Variants in RGS7 observed in about 807,000 individuals in gnomAD.
The protein encoded by RGS7 is regulator of G protein signaling 7.
RGS7 carries 27 observed loss-of-function variants against 81.1 expected under a neutral mutation model. That is an observed-to-expected ratio of 0.33 (90% confidence interval 0.25 to 0.46). RGS7 has a LOEUF of 0.46. RGS7 is among the 20% of genes least tolerant of loss of function. The probability of loss-of-function intolerance (pLI) is 1.00; values close to 1 mark genes in which losing one functional copy is unlikely to be tolerated. For synonymous variants in RGS7, 208 were observed against 207.7 expected (o/e 1.00, Z -0.01); for missense variants, 396 against 607.4 (o/e 0.65, Z 3.66).
At chr1:241,080,619 A>G (rs905755529) in intron 3 of RGS7, among the ~76,000 whole-genome samples, 8 of 152,310 alleles carry the variant, frequency 5.3e-5, no homozygotes, top group Admixed American at 5.2e-4. Context: ...TACACCAGTT[A>G]GAAATACTGA....
intron 2 of RGS7, among the ~76,000 whole-genome samples, chr1:241,220,291 C>A (rs886838027): frequency 6.6e-6 from 1 of 152,146 alleles, no homozygotes; most frequent in South Asian, 2.1e-4. Flanking sequence ...ACCTAGAGAT[C>A]TAAAGAAGTA....
chr1:241,265,985 G>A (rs1424713239), intron 2 of RGS7, among the ~76,000 whole-genome samples: 1 of 151,788 alleles, frequency 6.6e-6, no homozygotes, highest in Non-Finnish European at 1.5e-5. Context: ...GTAGAGATGG[G>A]GTTTCTCCAT....
rs535420237 is a variant in RGS7, at chr1:240,889,838, G to A, written c.386-19719C>T. 1.1e-3 allele frequency among the ~76,000 whole-genome samples: 161 copies of A among 152,248 alleles called. 1 individual carries two copies. Among genetic ancestry groups the A allele is most frequent in the African/African-American group, 3.6e-3 (149 of 41,542 alleles). On this transcript the variant is annotated intron_variant, in intron 6 of 18. Transcript: ENST00000440928. ...CTGAGATGACGGTGATCTGAAAAGA[G>A]CCCTGGCCCTGTTCTTGTAGTGTCC...
At chr1:241,190,433 C>T (rs1169997861) in intron 2 of RGS7, among the ~76,000 whole-genome samples, 2 of 151,966 alleles carry the variant, frequency 1.3e-5, no homozygotes, top group Admixed American at 6.6e-5. Flanking sequence ...TTTACTATGT[C>T]GAGTTTTCCA....
intron 2 of RGS7, among the ~76,000 whole-genome samples, chr1:241,204,052 A>C (rs1558185619): frequency 1.3e-5 from 2 of 152,232 alleles, no homozygotes; most frequent in African/African-American, 4.8e-5. Flanking sequence ...AATATTACCA[A>C]AAGTAAATAC....
intron 2 of RGS7, among the ~76,000 whole-genome samples, chr1:241,222,426 T>G (rs1003917368): frequency 3.3e-5 from 5 of 152,190 alleles, no homozygotes; most frequent in Non-Finnish European, 5.9e-5. Flanking sequence ...TGTCAATAAT[T>G]TGAAGAACTA....
At chr1:241,265,030 GT>G (rs1352081205) in intron 2 of RGS7, among the ~76,000 whole-genome samples, 4 of 152,206 alleles carry the variant, frequency 2.6e-5, no homozygotes, top group Non-Finnish European at 5.9e-5. Context: ...GCGGCCTTCA[GT>G]TCCCTTCCAG....
intron 3 of RGS7, among the ~76,000 whole-genome samples, chr1:240,995,752 T>G (rs936965206): frequency 6.6e-6 from 1 of 151,602 alleles, no homozygotes. Context: ...ATTTATCAAT[T>G]TTTATAAAGA....
intron 2 of RGS7, among the ~76,000 whole-genome samples, chr1:241,171,319 G>A (rs570771843): frequency 3.9e-5 from 6 of 152,134 alleles, no homozygotes; most frequent in Non-Finnish European, 7.4e-5. Context: ...GGTCTCTAAA[G>A]TTTTTTCCTA....
chr1:241,093,146 C>T (rs1419199318), intron 3 of RGS7, among the ~76,000 whole-genome samples: 4 of 151,904 alleles, frequency 2.6e-5, no homozygotes, highest in African/African-American at 9.6e-5. Context: ...AGTACAATTT[C>T]GCAGAAATCA....
intron 3 of RGS7, among the ~76,000 whole-genome samples, chr1:241,075,972 T>G (rs2062774494): frequency 6.6e-6 from 1 of 152,206 alleles, no homozygotes; most frequent in Non-Finnish European, 1.5e-5. Flanking sequence ...GGTTGGCTCT[T>G]GGAGTGATAC....
intron 9 of RGS7, among the ~76,000 whole-genome samples, chr1:240,846,261 T>C (rs1348190325): frequency 1.3e-5 from 2 of 152,172 alleles, no homozygotes; most frequent in Non-Finnish European, 2.9e-5. Flanking sequence ...CTCAAAAGTT[T>C]TTTTCCTTAA....
chr1:240,948,353 A>G (rs1678994606), intron 4 of RGS7, among the ~76,000 whole-genome samples: 1 of 152,232 alleles, frequency 6.6e-6, no homozygotes, highest in South Asian at 2.1e-4. Flanking sequence ...GCGGAAATGG[A>G]TAAAAGGATC....
rs942239812 is a variant in RGS7, at chr1:241,310,423, GTGTA to G, written c.78+45272_78+45275del. On this transcript the variant is annotated intron_variant, in intron 2 of 18. Coordinates refer to ENST00000440928, the MANE Select transcript of RGS7 (RefSeq NM_001364886.1). ...TGTTTGTGTGTCTGTGTGTGTGAGA[GTGTA>G]TGTGTGTCTGTGTGTGTGAGTGTGT... Among the ~76,000 whole-genome samples the G allele has an allele frequency of 7.4e-4, 88 of 119,188 alleles. 1 individual carries two copies. The highest frequency in any genetic ancestry group is 2.2e-4 in the Non-Finnish European group (11 of 50,576). The allele number at this position is 119,188 out of a possible 152,430, so 78.2% of individuals were successfully genotyped here. A position where few individuals can be genotyped will look rare whatever the true frequency, so the allele number is the denominator to read the frequency against.
chr1:240,975,170 G>A (rs1250542752), intron 4 of RGS7, among the ~76,000 whole-genome samples: 1 of 152,140 alleles, frequency 6.6e-6, no homozygotes, highest in South Asian at 2.1e-4. Context: ...TTGGGAGGCC[G>A]AGGCAGGCGG....
intron 18 of RGS7, among the ~76,000 whole-genome samples, chr1:240,783,651 A>AT (rs1684508427): frequency 6.6e-6 from 1 of 151,830 alleles, no homozygotes; most frequent in Non-Finnish European, 1.5e-5. Flanking sequence ...AAAATAAAAA[A>AT]AAATCGTTCT....
At chr1:240,836,039 T>C (rs1694676307) in intron 9 of RGS7, among the ~76,000 whole-genome samples, 2 of 151,918 alleles carry the variant, frequency 1.3e-5, no homozygotes, top group African/African-American at 4.8e-5. Context: ...AACCATAGAA[T>C]GTACAACATC....
rs369066835 is a variant in RGS7 at position 240,993,113 on chromosome 1, G to GGGAA, written c.176-9988_176-9985dup. ...AAGGAAGGAGGGAGGGAGGGAGGGA[G>GGGAA]GGAAGGAAGGAAGGAAGGAAGGAGG... On this transcript the variant is annotated intron_variant, in intron 3 of 18. Transcript: ENST00000440928. Among the ~76,000 whole-genome samples the GGGAA allele has an allele frequency of 9.3e-5, 12 of 128,674 alleles. No homozygotes were observed. In the East Asian group the frequency reaches 2.1e-3, roughly 22 times the overall value. The allele number at this position is 128,674 out of a possible 152,430, so 84.4% of individuals were successfully genotyped here. A position where few individuals can be genotyped will look rare whatever the true frequency, so the allele number is the denominator to read the frequency against.
chr1:241,268,043 G>A (rs566016613), intron 2 of RGS7, among the ~76,000 whole-genome samples: 4 of 152,238 alleles, frequency 2.6e-5, no homozygotes, highest in Non-Finnish European at 4.4e-5. Flanking sequence ...AAAGCTGACC[G>A]GACCGTTGAG....
Sources: gnomAD v4.1 joint callset for allele counts (sites outside exome capture counted in the v4.1 genomes callset) on GRCh38, gnomAD v4.1.1 for gene constraint, MANE v1.5 for transcripts, NCBI Gene and HGNC (gene_info 2026-07-23, HGNC 2026-07-21) for gene names.